CADPS2: variants seen among roughly 807,000 people sequenced by gnomAD.
CADPS2 encodes calcium-dependent secretion activator 2.
In CADPS2, 93 loss-of-function variants were observed where a neutral mutation model predicts 172.5. The observed-to-expected ratio is 0.54, with a 90% CI of 0.46 to 0.64. The LOEUF (loss-of-function observed/expected upper bound fraction) is 0.64, where lower values mean the gene tolerates loss of function less well. Among genes scored for constraint, CADPS2 ranks in the 30% least tolerant of loss-of-function variants. CADPS2 has a pLI of 0.00. For synonymous variants in CADPS2, 546 were observed against 555.2 expected, an observed-to-expected ratio of 0.98 and a Z score of 0.23; for missense variants, 1,420 against 1,565.9, an observed-to-expected ratio of 0.91 and a Z score of 1.57.
At chr7:122,548,627 G>T (rs1167549842) in intron 8 of CADPS2, among the ~76,000 whole-genome samples, 1 of 152,128 alleles carries the variant, frequency 6.6e-6, no homozygotes, top group South Asian at 2.1e-4. Flanking sequence ...CTAGCAAATT[G>T]TAGTAAAACA....
At chr7:122,320,361 G>A in intron 29 of CADPS2, 23 bp from the exon 30 acceptor site, 1 of 1,567,624 alleles carries the variant, frequency 6.4e-7, no homozygotes, top group Non-Finnish European at 8.7e-7. Flanking sequence ...GATAAAATTT[G>A]CTTAGCTCAC....
At chr7:122,747,353 CAG>C (rs2092760638) in intron 1 of CADPS2, among the ~76,000 whole-genome samples, 1 of 152,082 alleles carries the variant, frequency 6.6e-6, no homozygotes, top group African/African-American at 2.4e-5. Context: ...AAATAGAAAA[CAG>C]AGCCTGTCAT....
At chr7:122,863,805 A>T (rs1817581917) in intron 1 of CADPS2, among the ~76,000 whole-genome samples, 1 of 152,176 alleles carries the variant, frequency 6.6e-6, no homozygotes, top group Non-Finnish European at 1.5e-5. Flanking sequence ...TGAGGCATGC[A>T]GATCACCTGA....
At chr7:122,734,057 T>C (rs1474994110) in intron 2 of CADPS2, among the ~76,000 whole-genome samples, 1 of 151,936 alleles carries the variant, frequency 6.6e-6, no homozygotes, top group Non-Finnish European at 1.5e-5. Context: ...CAGAAATTCT[T>C]ATTCAACAGG....
chr7:122,772,125 T>G (rs2093723173), intron 1 of CADPS2, among the ~76,000 whole-genome samples: 1 of 152,182 alleles, frequency 6.6e-6, no homozygotes, highest in African/African-American at 2.4e-5. Flanking sequence ...AGTGGGAATG[T>G]TAATGTAATA....
intron 2 of CADPS2, chr7:122,676,523 A>T: frequency 2.0e-6 from 1 of 509,402 alleles, no homozygotes; most frequent in Non-Finnish European, 3.4e-6. Context: ...GCAATACAAT[A>T]AGCTTATGTT....
chr7:122,666,469 G>T (rs530267621), intron 2 of CADPS2, among the ~76,000 whole-genome samples: 3 of 151,442 alleles, frequency 2.0e-5, no homozygotes, highest in Non-Finnish European at 4.4e-5. Context: ...TCAGCCTCCT[G>T]AGTAGCTGGG....
chr7:122,726,977 T>C (rs1477526346), intron 2 of CADPS2, among the ~76,000 whole-genome samples: 4 of 151,888 alleles, frequency 2.6e-5, no homozygotes, highest in East Asian at 1.9e-4. Flanking sequence ...TCCTGTAAAA[T>C]GGAATCTGTG....
At chr7:122,326,480 T>G (rs991719936) in intron 28 of CADPS2, among the ~76,000 whole-genome samples, 4 of 152,114 alleles carry the variant, frequency 2.6e-5, no homozygotes, top group Admixed American at 1.3e-4. Context: ...AGAGCTAGGT[T>G]TAGATAACAC....
At chr7:122,823,506 G>A (rs1328252373) in intron 1 of CADPS2, among the ~76,000 whole-genome samples, 1 of 151,702 alleles carries the variant, frequency 6.6e-6, no homozygotes, top group South Asian at 2.1e-4. Context: ...AATGTGCATA[G>A]AAGTCTCTTG....
intron 24 of CADPS2, 156 bp from the exon 25 acceptor site, chr7:122,379,598 C>G (rs1414925129): frequency 1.7e-5 from 10 of 597,620 alleles, no homozygotes; most frequent in Non-Finnish European, 3.0e-5. Context: ...AATGATCCAC[C>G]CAGTCAACAC....
chr7:122,402,650 T>C (rs148624768), intron 20 of CADPS2, among the ~76,000 whole-genome samples: 198 of 152,298 alleles, frequency 1.3e-3, no homozygotes, highest in African/African-American at 4.4e-3. Context: ...ATGTCTCCAT[T>C]AGTTTGAAAG....
intron 23 of CADPS2, among the ~76,000 whole-genome samples, chr7:122,387,722 A>T (rs2043865022): frequency 6.6e-6 from 1 of 152,172 alleles, no homozygotes; most frequent in South Asian, 2.1e-4. Flanking sequence ...GAACTGCATC[A>T]TGAGCAATTT....
intron 2 of CADPS2, among the ~76,000 whole-genome samples, chr7:122,712,809 C>T (rs1428910799): frequency 6.6e-6 from 1 of 152,034 alleles, no homozygotes; most frequent in Non-Finnish European, 1.5e-5. Flanking sequence ...AGCACCTTTT[C>T]GCTGTGTTCT....
chr7:122,645,931 T>C (rs1425813158), intron 3 of CADPS2, among the ~76,000 whole-genome samples: 2 of 151,646 alleles, frequency 1.3e-5, no homozygotes, highest in Non-Finnish European at 2.9e-5. Flanking sequence ...GAATGAGCTA[T>C]TATTTTAAAA....
Position 122,522,678 on chromosome 7 carries a change from T to C in CADPS2, c.1476-9363A>G, listed in dbSNP as rs561265021. Reference sequence around the variant, plus strand: ...AACTTATTCCTTCTATGTGACTATATGTTTGAACACATTAACCAACCTCTC... The same window carrying C: ...AACTTATTCCTTCTATGTGACTATACGTTTGAACACATTAACCAACCTCTC... On this transcript the variant is annotated intron_variant, in intron 8 of 29. Coordinates refer to ENST00000449022, the MANE Select transcript of CADPS2 (RefSeq NM_017954.11). 1.7e-3 allele frequency among the ~76,000 whole-genome samples: 264 copies of C among 152,218 alleles called. 2 individuals are homozygous for C. The highest frequency in any genetic ancestry group is 2.2e-3 in the Admixed American group (33 of 15,282).
At chr7:122,870,802 T>C (rs1211768225) in intron 1 of CADPS2, among the ~76,000 whole-genome samples, 2 of 152,066 alleles carry the variant, frequency 1.3e-5, no homozygotes, top group East Asian at 3.9e-4. Context: ...TATATTCCAG[T>C]GTCTGAAATA....
chr7:122,367,567 G>C (rs1296863346), intron 25 of CADPS2, among the ~76,000 whole-genome samples: 1 of 48,118 alleles, frequency 2.1e-5, no homozygotes, highest in Non-Finnish European at 3.8e-5. Flanking sequence ...TTTTTTTTAA[G>C]ACAGTCTTAC....
chr7:122,785,263 G>C (rs1232844786), intron 1 of CADPS2, among the ~76,000 whole-genome samples: 1 of 152,108 alleles, frequency 6.6e-6, no homozygotes, highest in Non-Finnish European at 1.5e-5. Flanking sequence ...TGACTGTCTG[G>C]TGTTCCTCTA....
Sources: allele counts gnomAD v4.1 joint callset (sites outside exome capture counted in the v4.1 genomes callset), GRCh38; gene constraint gnomAD v4.1.1; transcripts MANE v1.5; gene names NCBI Gene and HGNC (gene_info 2026-07-23, HGNC 2026-07-21).